ELAPOR2: variants seen among roughly 807,000 people sequenced by gnomAD.
ELAPOR2 encodes the protein endosome-lysosome associated apoptosis and autophagy regulator family member 2.
ELAPOR2 carries 89 observed loss-of-function variants against 120.7 expected under a neutral mutation model. The ratio of observed to expected loss-of-function variants is 0.74; its 90% CI spans 0.62 to 0.88. The LOEUF (loss-of-function observed/expected upper bound fraction) is 0.88, where lower values mean the gene tolerates loss of function less well. Among genes scored for constraint, ELAPOR2 ranks in the 40% least tolerant of loss-of-function variants. ELAPOR2 has a pLI of 0.00. For synonymous variants in ELAPOR2, 444 were observed against 444.9 expected (o/e 1.00, Z 0.03); for missense variants, 1,134 against 1,251.6 (o/e 0.91, Z 1.42).
intron 12 of ELAPOR2, among the ~76,000 whole-genome samples, chr7:86,916,744 T>C (rs1789586808): frequency 6.6e-6 from 1 of 152,086 alleles, no homozygotes; most frequent in African/African-American, 2.4e-5. Context: ...TAAGAATCAC[T>C]GCTATAGGCC....
chr7:86,946,602 G>A (rs1199005239), intron 3 of ELAPOR2, among the ~76,000 whole-genome samples: 1 of 152,034 alleles, frequency 6.6e-6, no homozygotes, highest in African/African-American at 2.4e-5. Context: ...GGTCAGGCTG[G>A]TCTTGAACTC....
At chr7:86,965,070 C>T (rs749815419) in intron 1 of ELAPOR2, 46 bp from the exon 2 acceptor site, 56 of 1,547,542 alleles carry the variant, frequency 3.6e-5, no homozygotes, top group Admixed American at 1.8e-4. Context: ...CCAGTTCTAA[C>T]GGGACAACTG....
chr7:86,993,252 A>AAAAGG (rs1793012579), intron 1 of ELAPOR2, among the ~76,000 whole-genome samples: 1 of 134,546 alleles, frequency 7.4e-6, no homozygotes, highest in African/African-American at 2.9e-5. Flanking sequence ...AAAAAAAAAG[A>AAAAGG]AAAAGAAAAG....
At chr7:87,042,461 C>G (rs1273256348) in intron 1 of ELAPOR2, among the ~76,000 whole-genome samples, 4 of 151,498 alleles carry the variant, frequency 2.6e-5, no homozygotes, top group African/African-American at 7.4e-5. Flanking sequence ...GAATCTCACT[C>G]AAAACCGCTC....
intron 3 of ELAPOR2, among the ~76,000 whole-genome samples, chr7:86,945,755 T>C (rs539886564): frequency 5.9e-5 from 9 of 152,226 alleles, no homozygotes; most frequent in South Asian, 2.1e-4. Context: ...CTTTGCAACC[T>C]GGGGTTAGCA....
chr7:86,914,764 T>C lies in ELAPOR2; in HGVS notation c.1690A>G (p.Thr564Ala), dbSNP rs1269399560. The change falls in exon 13 of 22, where the codon ACA becomes GCA. Residue 564 changes from threonine (T) to alanine (A), a missense_variant. By Grantham distance (58) the Thr-to-Ala change is moderately conservative. Coordinates refer to ENST00000450689, the MANE Select transcript of ELAPOR2 (RefSeq NM_001142749.3). ...GTTCTCTGGAATGCCCATGTAAATGTAAAAGTTGCATTCTTGAAGATGATA... is the reference window on the plus strand; with the variant it reads ...GTTCTCTGGAATGCCCATGTAAATGCAAAAGTTGCATTCTTGAAGATGATA... ...THIIFKNATF[T>A]FTWAFQRTNQ... 3.1e-6 allele frequency: 5 copies of C among 1,612,222 alleles called. No individual in the cohort carries two copies. The highest frequency in any genetic ancestry group is 1.7e-4 in the Middle Eastern group (1 of 6,052).
chr7:86,965,897 A>AC, intron 1 of ELAPOR2: 5 of 984,734 alleles, frequency 5.1e-6, no homozygotes, highest in Non-Finnish European at 6.0e-6. Context: ...GACAAGTGAG[A>AC]ATAGAAACAT....
At chr7:86,885,410 T>A (rs1045257231) in intron 21 of ELAPOR2, among the ~76,000 whole-genome samples, 1 of 152,164 alleles carries the variant, frequency 6.6e-6, no homozygotes, top group Non-Finnish European at 1.5e-5. Flanking sequence ...GTTGGTTGGA[T>A]CATTAGCAGC....
chr7:87,037,866 CT>C (rs1049308428), intron 1 of ELAPOR2, among the ~76,000 whole-genome samples: 1 of 152,116 alleles, frequency 6.6e-6, no homozygotes, highest in African/African-American at 2.4e-5. Flanking sequence ...ACTATAAATC[CT>C]TCCAAACTCA....
intron 1 of ELAPOR2, among the ~76,000 whole-genome samples, chr7:87,003,572 C>T (rs1405911781): frequency 6.6e-6 from 1 of 152,136 alleles, no homozygotes; most frequent in East Asian, 1.9e-4. Context: ...TTGTAAGTTT[C>T]CTGAGACCTC....
At chr7:86,988,536 G>A (rs181709364) in intron 1 of ELAPOR2, among the ~76,000 whole-genome samples, 1 of 152,174 alleles carries the variant, frequency 6.6e-6, no homozygotes, top group East Asian at 1.9e-4. Context: ...TTTATAGAAG[G>A]GACTTGAGCA....
In ELAPOR2 at chr7:87,012,226, A is replaced by G. The variant is rs1345680162; in HGVS notation, c.189+47099T>C. On this transcript the variant is annotated intron_variant, in intron 1 of 21. Transcript: ENST00000450689. ...GGAGATTGAGACCATCCTGGCCAAC[A>G]TGGTGAAACCCTGTCTCTACTAAAA... Among the ~76,000 whole-genome samples, 4 of 152,154 alleles carry G rather than the reference A, an allele frequency of 2.6e-5. No individual in the cohort carries two copies. In the South Asian group the frequency reaches 8.3e-4, roughly 32 times the overall value.
chr7:86,984,847 G>C (rs1792654963), intron 1 of ELAPOR2, among the ~76,000 whole-genome samples: 1 of 152,152 alleles, frequency 6.6e-6, no homozygotes, highest in Non-Finnish European at 1.5e-5. Context: ...GAGCATAACT[G>C]AAGGAGATAG....
chr7:86,912,614 TC>T (rs1439805069), intron 14 of ELAPOR2, among the ~76,000 whole-genome samples: 2 of 152,218 alleles, frequency 1.3e-5, no homozygotes, highest in African/African-American at 2.4e-5. Flanking sequence ...CACTAGCTGT[TC>T]CCAGATGACT....
chr7:86,896,016 G>A (rs1788420374), intron 19 of ELAPOR2, among the ~76,000 whole-genome samples: 1 of 152,058 alleles, frequency 6.6e-6, no homozygotes, highest in Non-Finnish European at 1.5e-5. Flanking sequence ...AAAAGAAACT[G>A]TCTCAGCAGT....
At chr7:86,904,536 T>C (rs1223896761) in intron 18 of ELAPOR2, among the ~76,000 whole-genome samples, 1 of 152,158 alleles carries the variant, frequency 6.6e-6, no homozygotes, top group Non-Finnish European at 1.5e-5. Context: ...CCACAAACAC[T>C]GTACCGTTTT....
At chr7:86,939,151 A>G (rs1284366539) in intron 6 of ELAPOR2, among the ~76,000 whole-genome samples, 191 bp from the exon 7 acceptor site, 1 of 152,138 alleles carries the variant, frequency 6.6e-6, no homozygotes, top group African/African-American at 2.4e-5. Context: ...TCAAGTCAGC[A>G]AACAAATAAG....
chr7:86,892,878 A>G (rs753592078), intron 20 of ELAPOR2, 44 bp downstream of exon 20: 1 of 1,409,444 alleles, frequency 7.1e-7, no homozygotes, highest in South Asian at 1.9e-5. Context: ...TCACAACAAA[A>G]TAGGCCCTCT....
At chr7:86,906,788 T>G (rs1027679696) in intron 18 of ELAPOR2, among the ~76,000 whole-genome samples, 32 of 152,022 alleles carry the variant, frequency 2.1e-4, no homozygotes, top group Non-Finnish European at 4.4e-4. Flanking sequence ...CAACCCAGCT[T>G]GGGAGGCTGA....
Sources: gnomAD v4.1 joint callset for allele counts (sites outside exome capture counted in the v4.1 genomes callset) on GRCh38, gnomAD v4.1.1 for gene constraint, MANE v1.5 for transcripts, NCBI Gene and HGNC (gene_info 2026-07-23, HGNC 2026-07-21) for gene names.